Variants in MIPEP observed in about 807,000 individuals in gnomAD.
MIPEP encodes the protein mitochondrial intermediate peptidase.
Under a neutral mutation model 90.3 loss-of-function variants are expected in MIPEP, and 79 were observed. That is an observed-to-expected ratio of 0.87 (90% CI 0.73 to 1.05). MIPEP has a LOEUF of 1.05. Among genes scored for constraint, MIPEP ranks in the 50% least tolerant of loss-of-function variants. MIPEP has a pLI of 0.00. For synonymous variants in MIPEP, 334 were observed against 315.8 expected (o/e 1.06, Z -0.61); for missense variants, 940 against 905.6 (o/e 1.04, Z -0.49).
intron 16 of MIPEP, among the ~76,000 whole-genome samples, chr13:23,785,768 C>T (rs1952833463): frequency 6.6e-6 from 1 of 151,958 alleles, no homozygotes. Context: ...ATTAAAAATC[C>T]ATCAACAATC....
At chr13:23,851,195 T>C (rs1869786490) in intron 10 of MIPEP, among the ~76,000 whole-genome samples, 1 of 152,184 alleles carries the variant, frequency 6.6e-6, no homozygotes, top group African/African-American at 2.4e-5. Context: ...ATGCAGCAAG[T>C]GGTTCAAACT....
intron 1 of MIPEP, 159 bp downstream of exon 1, chr13:23,888,973 G>T: frequency 1.5e-6 from 1 of 673,084 alleles, no homozygotes; most frequent in Non-Finnish European, 2.2e-6. Context: ...AGGTGACCTT[G>T]CCCTCATCGA....
chr13:23,888,163 TC>T (rs932980030), intron 1 of MIPEP: 5 of 417,138 alleles, frequency 1.2e-5, no homozygotes, highest in Admixed American at 2.9e-5. Flanking sequence ...AAATCAGGCT[TC>T]CCCTCACGTC....
intron 18 of MIPEP, among the ~76,000 whole-genome samples, chr13:23,735,585 C>T (rs905580801): frequency 1.0e-4 from 11 of 105,510 alleles, no homozygotes; most frequent in East Asian, 6.0e-4. Flanking sequence ...AACTAACACA[C>T]GTCCTTCTCC....
Position 23,817,122 on chromosome 13 carries a change from C to T in MIPEP, c.1654-7198G>A, listed in dbSNP as rs149807798. 2.0e-5 allele frequency among the ~76,000 whole-genome samples: 3 copies of T among 152,320 alleles called. No homozygotes were observed. The East Asian group carries it at 5.8e-4, about 29-fold the overall frequency. ...TGGTTGCCAGCACTGCTCTTTCGAG[C>T]TTTCTGCATCCTAGGTGGATGGGCA... On this transcript the variant is annotated intron_variant, in intron 14 of 18. Transcript: ENST00000382172.
chr13:23,857,067 C>T (rs918708886), intron 10 of MIPEP, among the ~76,000 whole-genome samples: 2 of 151,844 alleles, frequency 1.3e-5, no homozygotes, highest in African/African-American at 4.8e-5. Flanking sequence ...TTTACATAAA[C>T]ATGGAAAGTA....
At chr13:23,885,249 C>T (rs1396241491) in intron 2 of MIPEP, among the ~76,000 whole-genome samples, 1 of 152,088 alleles carries the variant, frequency 6.6e-6, no homozygotes, top group Non-Finnish European at 1.5e-5. Flanking sequence ...ATAGATACAA[C>T]TGAATCATGG....
chr13:23,785,368 T>A (rs1379062281), intron 16 of MIPEP, among the ~76,000 whole-genome samples: 1 of 151,354 alleles, frequency 6.6e-6, no homozygotes, highest in Non-Finnish European at 1.5e-5. Flanking sequence ...AAACCAACAT[T>A]CTCAGAAAAC....
At chr13:23,782,070 T>A (rs914995462) in intron 16 of MIPEP, among the ~76,000 whole-genome samples, 12 of 152,148 alleles carry the variant, frequency 7.9e-5, no homozygotes, top group African/African-American at 2.7e-4. Context: ...AACAAGGATA[T>A]CCAGGAATTG....
intron 2 of MIPEP, among the ~76,000 whole-genome samples, chr13:23,883,186 A>G (rs1272654636): frequency 6.6e-6 from 1 of 152,166 alleles, no homozygotes; most frequent in Admixed American, 6.5e-5. Context: ...TTTTATACCC[A>G]GAGAACTACA....
At chr13:23,881,607 A>C in intron 3 of MIPEP, 92 bp downstream of exon 3, 16 of 1,030,536 alleles carry the variant, frequency 1.6e-5, no homozygotes, top group Non-Finnish European at 2.2e-5. Context: ...GGTGAGGGAC[A>C]AGCGCTATGG....
At chr13:23,737,380 T>C (rs1307812803) in intron 18 of MIPEP, among the ~76,000 whole-genome samples, 1 of 152,086 alleles carries the variant, frequency 6.6e-6, no homozygotes, top group African/African-American at 2.4e-5. Flanking sequence ...CTTGGCGTGA[T>C]ACTGGGAGGA....
intron 10 of MIPEP, chr13:23,842,302 A>G (rs1869331428): frequency 6.6e-6 from 1 of 152,194 alleles, no homozygotes. Context: ...GAACTGCACA[A>G]CACTTCGTTC....
chr13:23,747,413 A>G, intron 18 of MIPEP: 1 of 384,870 alleles, frequency 2.6e-6, no homozygotes, highest in Non-Finnish European at 5.2e-6. Flanking sequence ...CCTTTCTTCT[A>G]GTGGTGTCCC....
chr13:23,816,117 T>C (rs1162387992), intron 14 of MIPEP, among the ~76,000 whole-genome samples: 1 of 152,202 alleles, frequency 6.6e-6, no homozygotes, highest in Non-Finnish European at 1.5e-5. Flanking sequence ...TTGACAACAA[T>C]GTATCCAGGT....
At chr13:23,778,863 C>A (rs1827552357) in intron 16 of MIPEP, among the ~76,000 whole-genome samples, 2 of 152,240 alleles carry the variant, frequency 1.3e-5, no homozygotes, top group South Asian at 4.1e-4. Flanking sequence ...CCTAGCTCAC[C>A]TGATTCTACA....
intron 13 of MIPEP, among the ~76,000 whole-genome samples, chr13:23,836,575 C>A (rs932763003): frequency 6.6e-6 from 1 of 152,186 alleles, no homozygotes; most frequent in African/African-American, 2.4e-5. Context: ...ATTTGCACAG[C>A]TGCTAAAACA....
At chr13:23,820,135 T>A (rs781298576) in intron 14 of MIPEP, among the ~76,000 whole-genome samples, 1 of 152,190 alleles carries the variant, frequency 6.6e-6, no homozygotes, top group Non-Finnish European at 1.5e-5. Context: ...TGTGAGAAAC[T>A]CTTCGAGCAC....
chr13:23,747,506 A>G (rs1243530498), intron 18 of MIPEP: 1 of 499,898 alleles, frequency 2.0e-6, no homozygotes, highest in Non-Finnish European at 4.0e-6. Flanking sequence ...TAGAACAAAA[A>G]GTGTCTAAAA....
Sources: allele counts gnomAD v4.1 joint callset (sites outside exome capture counted in the v4.1 genomes callset), GRCh38; gene constraint gnomAD v4.1.1; transcripts MANE v1.5; gene names NCBI Gene and HGNC (gene_info 2026-07-23, HGNC 2026-07-21).